ASAP1: variants seen among roughly 807,000 people sequenced by gnomAD.
ASAP1 encodes arf-GAP with SH3 domain, ANK repeat and PH domain-containing protein 1.
A neutral mutation model predicts 145.2 loss-of-function variants in ASAP1; 43 were observed. The observed-to-expected ratio is 0.30, with a 90% confidence interval of 0.23 to 0.38. The LOEUF (loss-of-function observed/expected upper bound fraction) is 0.38. Ranked by LOEUF, ASAP1 falls within the 10% of genes least tolerant of loss-of-function variation. The pLI is 1.00. For synonymous variants in ASAP1, 546 were observed against 515.5 expected (o/e 1.06, Z -0.80); for missense variants, 1,018 against 1,355.3 (o/e 0.75, Z 3.91).
At chr8:130,110,839 C>T (rs2097545503) in intron 24 of ASAP1, among the ~76,000 whole-genome samples, 1 of 152,102 alleles carries the variant, frequency 6.6e-6, no homozygotes, top group African/African-American at 2.4e-5. Flanking sequence ...GAAAATAGCC[C>T]TAGTGTGATT....
chr8:130,171,478 C>T (rs1280816523), intron 9 of ASAP1, among the ~76,000 whole-genome samples: 1 of 152,122 alleles, frequency 6.6e-6, no homozygotes, highest in East Asian at 1.9e-4. Flanking sequence ...ACTTAAAAAA[C>T]CATCAGATTC....
chr8:130,061,673 CTGTTACATTTTGG>C (rs1477281577), intron 27 of ASAP1, among the ~76,000 whole-genome samples: 3 of 150,196 alleles, frequency 2.0e-5, no homozygotes, highest in Non-Finnish European at 4.4e-5. Context: ...GGGTTAACCT[CTGTTACATTTTGG>C]TGATACACAC....
rs1471141965 is a variant in ASAP1, at chr8:130,276,724, A to ACTCTCT, written c.187-39731_187-39730insAGAGAG. ...CACACACACACACACACACACACAC[A>ACTCTCT]CACACTCTCTCTCTCTCTCTCTCTC... On this transcript the variant is annotated intron_variant, in intron 3 of 29. Coordinates refer to ENST00000518721, the MANE Select transcript of ASAP1 (RefSeq NM_018482.4). 6.4e-4 allele frequency among the ~76,000 whole-genome samples: 66 copies of ACTCTCT among 102,624 alleles called. 1 individual carries two copies. The highest frequency in any genetic ancestry group is 2.1e-3 in the African/African-American group (60 of 28,968). 67.3% of individuals were successfully genotyped at this position (102,624 alleles called of 152,430 possible).
intron 3 of ASAP1, among the ~76,000 whole-genome samples, chr8:130,254,447 G>A (rs554183438): frequency 2.0e-5 from 3 of 152,018 alleles, no homozygotes; most frequent in East Asian, 1.9e-4. Context: ...TGATAGCTGC[G>A]GCATGAACCA....
At chr8:130,300,176 AGAGAGAGAGAGC>A (rs1354717391) in intron 3 of ASAP1, among the ~76,000 whole-genome samples, 1 of 149,336 alleles carries the variant, frequency 6.7e-6, no homozygotes, top group Non-Finnish European at 1.5e-5. Context: ...AGAGAGAGAG[AGAGAGAGAGAGC>A]GAGCGAGCGA....
chr8:130,205,472 C>A (rs1408722884), intron 5 of ASAP1, among the ~76,000 whole-genome samples: 2 of 148,268 alleles, frequency 1.3e-5, no homozygotes, highest in African/African-American at 2.5e-5. Context: ...GTATTTAAGA[C>A]AAGGTATACC....
Position 130,111,628 on chromosome 8 carries a change from T to C in ASAP1, c.2401+466A>G, listed in dbSNP as rs970288185. On this transcript the variant is annotated intron_variant, in intron 24 of 29. Transcript: ENST00000518721. ...CATAACTATTAACTACCACTATTAT[T>C]ACTAGCGTCTTCAAAAGAGTGGCAT... 1.6e-4 allele frequency among the ~76,000 whole-genome samples: 25 copies of C among 152,210 alleles called. 1 individual carries two copies. Among genetic ancestry groups the C allele is most frequent in the Non-Finnish European group, 1.5e-5 (1 of 68,044 alleles).
Position 130,128,032 on chromosome 8 carries a change from C to A in ASAP1, c.1276G>T (p.Glu426Ter). 1 of 1,613,804 alleles carries A rather than the reference C, an allele frequency of 6.2e-7. No homozygotes were observed. The highest frequency in any genetic ancestry group is 8.5e-7 in the Non-Finnish European group (1 of 1,179,934). ...AGGCTGTTCTCTCCCGCACTCTGCT[C>A]TCCACGGAAGGCCATGGTTAGGGCC... ...EEALTMAFRG[E>*]QSAGENSLED... is the part of the protein sequence containing the mutation. Residue 426 changes from glutamate (E) to a stop codon, truncating the protein, a stop_gained, in exon 16 of 30, where the codon GAG becomes TAG. Transcript: ENST00000518721. LOFTEE classifies it high-confidence loss of function.
intron 13 of ASAP1, 145 bp downstream of exon 13, chr8:130,152,590 CT>C (rs78606256): frequency 0.17 from 69,851 of 404,004 alleles, no homozygotes; most frequent in East Asian, 0.23. Flanking sequence ...CAAGATAAAA[CT>C]TTTTTTTTTT....
chr8:130,070,648 G>T (rs1226366226), intron 27 of ASAP1, among the ~76,000 whole-genome samples: 1 of 151,746 alleles, frequency 6.6e-6, no homozygotes, highest in Non-Finnish European at 1.5e-5. Flanking sequence ...TGAAATGTTA[G>T]TTGAAGTTAC....
At chr8:130,082,317 A>G (rs2097482338) in intron 25 of ASAP1, among the ~76,000 whole-genome samples, 1 of 152,016 alleles carries the variant, frequency 6.6e-6, no homozygotes, top group Non-Finnish European at 1.5e-5. Flanking sequence ...AACTCATAAA[A>G]TCCTCAGAGC....
In ASAP1 at chr8:130,112,100, C is replaced by T. The variant is rs561871631; in HGVS notation, c.2395G>A (p.Gly799Arg). Residue 799 changes from glycine (G) to arginine (R), a missense_variant, in exon 24 of 30, where the codon GGG becomes AGG. Physicochemically the swap from Gly to Arg is moderately radical, Grantham distance 125 (BLOSUM62 -2). Around this residue, in one of 9 missense-constraint regions of ASAP1, gnomAD observed 353 missense variants for 375.4 expected, o/e 0.94. Transcript: ENST00000518721. ...EAPPLPPRNA[G>R]KGPTGPPSTL... ...CCCTTCTCAAAGCCCATACCTTTCC[C>T]GGCGTTCCTAGGAGGCAGAGGGGGA... 9.3e-6 allele frequency: 15 copies of T among 1,613,582 alleles called. No homozygotes were observed. The highest frequency in any genetic ancestry group is 4.5e-5 in the East Asian group (2 of 44,882).
intron 5 of ASAP1, among the ~76,000 whole-genome samples, chr8:130,202,695 C>A (rs751807784): frequency 6.6e-6 from 1 of 152,148 alleles, no homozygotes; most frequent in Non-Finnish European, 1.5e-5. Context: ...TTCTTAGATA[C>A]TCTTGCTTTC....
At chr8:130,109,064 C>A (rs12542411) in intron 24 of ASAP1, among the ~76,000 whole-genome samples, 1 of 151,962 alleles carries the variant, frequency 6.6e-6, no homozygotes, top group Non-Finnish European at 1.5e-5. Context: ...CGTAAGCCAC[C>A]GCACCCGGTC....
intron 5 of ASAP1, among the ~76,000 whole-genome samples, chr8:130,206,420 T>A (rs1274594208): frequency 6.6e-6 from 1 of 151,894 alleles, no homozygotes; most frequent in African/African-American, 2.4e-5. Flanking sequence ...CATTATCAGA[T>A]ATTCTTATTT....
chr8:130,186,301 A>C (rs1046992037), intron 7 of ASAP1, among the ~76,000 whole-genome samples: 1 of 152,156 alleles, frequency 6.6e-6, no homozygotes, highest in East Asian at 1.9e-4. Flanking sequence ...TGCACTTTTC[A>C]CATAATTACA....
chr8:130,177,288 T>C (rs1186557885), intron 9 of ASAP1, among the ~76,000 whole-genome samples: 1 of 152,242 alleles, frequency 6.6e-6, no homozygotes. Context: ...GCATCTTCTA[T>C]TTTGAAAAAC....
chr8:130,295,552 A>G (rs1822219661), intron 3 of ASAP1, among the ~76,000 whole-genome samples: 1 of 152,222 alleles, frequency 6.6e-6, no homozygotes, highest in African/African-American at 2.4e-5. Flanking sequence ...ATATGAGATA[A>G]TGTTTATGAA....
At chr8:130,280,028 T>TA (rs530129009) in intron 3 of ASAP1, among the ~76,000 whole-genome samples, 27 of 152,354 alleles carry the variant, frequency 1.8e-4, no homozygotes, top group Middle Eastern at 6.8e-3. Flanking sequence ...AACTGGCACT[T>TA]ACATGTTCCT....
Sources: gnomAD v4.1 joint callset for allele counts (sites outside exome capture counted in the v4.1 genomes callset) on GRCh38, gnomAD v4.1.1 for gene constraint, gnomAD v4.1.1 regional missense constraint, MANE v1.5 for transcripts, NCBI Gene and HGNC (gene_info 2026-07-23, HGNC 2026-07-21) for gene names.